The following PRDM15 variants were observed in gnomAD, a reference collection of about 807,000 sequenced individuals.
PRDM15 encodes the protein PR domain zinc finger protein 15.
In PRDM15, 64 loss-of-function variants were observed where a neutral mutation model predicts 128.6. That is an observed-to-expected ratio of 0.50 (90% confidence interval 0.41 to 0.61). The LOEUF is 0.61. Ranked by LOEUF, PRDM15 falls within the 20% of genes least tolerant of loss-of-function variation. The probability of loss-of-function intolerance (pLI) is 0.00; values close to 1 mark genes in which losing one functional copy is unlikely to be tolerated. For synonymous variants in PRDM15, 615 were observed against 621.8 expected (o/e 0.99, Z 0.16); for missense variants, 1,242 against 1,569.1 (o/e 0.79, Z 3.52).
intron 12 of PRDM15, among the ~76,000 whole-genome samples, chr21:41,827,590 CT>C (rs1485721949): frequency 2.0e-5 from 3 of 152,246 alleles, no homozygotes; most frequent in Non-Finnish European, 2.9e-5. Flanking sequence ...GATCCTCCAG[CT>C]GCAGCCTCTC....
At chr21:41,865,326 A>G (rs2063969691) in intron 1 of PRDM15, among the ~76,000 whole-genome samples, 1 of 152,084 alleles carries the variant, frequency 6.6e-6, no homozygotes, top group Admixed American at 6.6e-5. Context: ...CAGCACCGTC[A>G]CCCGTGTAGC....
At chr21:41,803,153 A>G (rs1440358749) in intron 22 of PRDM15, 1 of 569,786 alleles carries the variant, frequency 1.8e-6, no homozygotes, top group African/African-American at 1.9e-5. Context: ...CATATTTTTA[A>G]AAGTTGTATT....
chr21:41,831,841 C>T (rs1264044911), intron 11 of PRDM15, among the ~76,000 whole-genome samples: 1 of 152,214 alleles, frequency 6.6e-6, no homozygotes, highest in Non-Finnish European at 1.5e-5. Context: ...CATCCCACCC[C>T]ACCTGCAGCG....
chr21:41,864,871 T>A (rs2063944133), intron 1 of PRDM15, among the ~76,000 whole-genome samples: 1 of 149,792 alleles, frequency 6.7e-6, no homozygotes, highest in African/African-American at 2.5e-5. Context: ...TCAGCAGCCT[T>A]CTCACCTCAC....
In PRDM15 at chr21:41,820,927, C is replaced by T. The variant is rs150746866; in HGVS notation, c.2060+140G>A. 1,951 of 1,088,892 alleles carry T rather than the reference C, an allele frequency of 1.8e-3. 29 individuals carry two copies. Among genetic ancestry groups the T allele is most frequent in the South Asian group, 0.018 (1,274 of 71,488 alleles). 67.5% of individuals were successfully genotyped at this position (1,088,892 alleles called of 1,614,324 possible). ...GCCCAGCTGCCCCCGAGCCCTGCTGCGCCCCCAGCTCTGGCCCTGAGACCC... is the reference window on the plus strand; with the variant it reads ...GCCCAGCTGCCCCCGAGCCCTGCTGTGCCCCCAGCTCTGGCCCTGAGACCC... On this transcript the variant is annotated intron_variant, in intron 16 of 23. Coordinates refer to ENST00000398548, the MANE Select transcript of PRDM15 (RefSeq NM_001040424.3).
chr21:41,831,592 C>T (rs998156282), intron 11 of PRDM15, among the ~76,000 whole-genome samples: 37 of 152,182 alleles, frequency 2.4e-4, no homozygotes, highest in Non-Finnish European at 3.8e-4. Context: ...CAACCTCCCC[C>T]GGGAGAGCCA....
chr21:41,848,892 C>T (rs1320238166), intron 5 of PRDM15, among the ~76,000 whole-genome samples: 2 of 152,218 alleles, frequency 1.3e-5, no homozygotes, highest in South Asian at 2.1e-4. Context: ...TATTAGTTAA[C>T]AGTCAGAAGG....
At position 41,819,634 on chromosome 21, in the gene PRDM15, G is replaced by GCATA; in HGVS notation, c.2207_2208insTATG (p.Arg738HisfsTer64). 1 of 1,611,824 alleles carries GCATA rather than the reference G, an allele frequency of 6.2e-7. No homozygotes were observed. Among genetic ancestry groups the GCATA allele is most frequent in the East Asian group, 2.2e-5 (1 of 44,840 alleles). ...CGCGGACATTGTCGTGCACACGCAT[G>GCATA]TGCTCCTTCAGCATGTCCTTCCTGG... On this transcript the variant is annotated frameshift_variant, in exon 18 of 24. Coordinates refer to ENST00000398548, the MANE Select transcript of PRDM15 (RefSeq NM_001040424.3). LOFTEE classifies it high-confidence loss of function.
Position 41,805,994 on chromosome 21 carries a change from CCACCACCACCAT to C in PRDM15, c.2653-1392_2653-1381del, listed in dbSNP as rs1568879364. Among the ~76,000 whole-genome samples the C allele has an allele frequency of 1.1e-3, 87 of 80,778 alleles. 3 individuals are homozygous for C. Among genetic ancestry groups the C allele is most frequent in the Non-Finnish European group, 1.1e-3 (43 of 38,552 alleles). 53.0% of individuals were successfully genotyped at this position (80,778 alleles called of 152,430 possible). On this transcript the variant is annotated intron_variant, in intron 21 of 23. Transcript: ENST00000398548. ...GCCATTCCTATCACCACTATCACCA[CCACCACCACCAT>C]CACCACCACCATCACCACCACCACC...
At chr21:41,842,430 T>C (rs2063101576) in intron 6 of PRDM15, among the ~76,000 whole-genome samples, 2 of 152,254 alleles carry the variant, frequency 1.3e-5, no homozygotes, top group South Asian at 4.1e-4. Context: ...ATAATCAGTG[T>C]ATTCATAATT....
chr21:41,806,018 TCACCACCACCACCATCACC>T (rs2061564727), intron 21 of PRDM15, among the ~76,000 whole-genome samples: 1 of 26,716 alleles, frequency 3.7e-5, no homozygotes, highest in Non-Finnish European at 7.1e-5. Context: ...ACCACCACCA[TCACCACCACCACCATCACC>T]ACCACCATCA....
At chr21:41,866,032 C>G (rs758868463) in intron 1 of PRDM15, among the ~76,000 whole-genome samples, 1 of 152,162 alleles carries the variant, frequency 6.6e-6, no homozygotes, top group African/African-American at 2.4e-5. Context: ...TGAGACCCCA[C>G]GCCCAGCCTC....
chr21:41,825,903 A>T (rs1050717094), intron 13 of PRDM15, 57 bp downstream of exon 13: 2 of 1,326,280 alleles, frequency 1.5e-6, no homozygotes, highest in African/African-American at 2.9e-5. Flanking sequence ...TAGAGTCTTA[A>T]CTGAAGAAAA....
intron 1 of PRDM15, among the ~76,000 whole-genome samples, chr21:41,875,882 T>A (rs752341479): frequency 2.5e-4 from 38 of 152,130 alleles, no homozygotes; most frequent in Non-Finnish European, 4.7e-4. Context: ...AGAAATGCAT[T>A]GCTATGGGAT....
rs781377343 is a variant in PRDM15 at position 41,821,394 on chromosome 21, C to T, written c.1897-164G>A. On this transcript the variant is annotated intron_variant, in intron 15 of 23. Coordinates refer to ENST00000398548, the MANE Select transcript of PRDM15 (RefSeq NM_001040424.3). This position sits in a 1 kb window ranked among gnomAD's most constrained non-coding sequence, Gnocchi z 5.4. ...TCAGAGGCTTGATGGGGAACTTTTCCGAAGCCATAAGGCCTCATGCCCAAA... is the reference window on the plus strand; with the variant it reads ...TCAGAGGCTTGATGGGGAACTTTTCTGAAGCCATAAGGCCTCATGCCCAAA... Among the ~76,000 whole-genome samples, 2 of 152,192 alleles carry T rather than the reference C, an allele frequency of 1.3e-5. No homozygotes were observed. Among genetic ancestry groups the T allele is most frequent in the African/African-American group, 4.8e-5 (2 of 41,442 alleles).
rs1432007438 is a variant in PRDM15, at chr21:41,848,407, G to A, written c.539-1216C>T. On this transcript the variant is annotated intron_variant, in intron 5 of 23. Coordinates refer to ENST00000398548, the MANE Select transcript of PRDM15 (RefSeq NM_001040424.3). ...TAAAAATAAAGAAAGAGCAGAAAAC[G>A]GTGTGGGGGGCACCCTGCCAGCAGG... 5.3e-5 allele frequency among the ~76,000 whole-genome samples: 8 copies of A among 152,150 alleles called. No individual in the cohort carries two copies. In the East Asian group the frequency reaches 1.5e-3, roughly 29 times the overall value.
intron 5 of PRDM15, 82 bp from the exon 6 acceptor site, chr21:41,847,273 G>T: frequency 2.0e-6 from 2 of 993,136 alleles, no homozygotes; most frequent in Non-Finnish European, 1.5e-6. Context: ...CGGAGGAGGG[G>T]TGTGTGCTGA....
chr21:41,826,310 G>A (rs767799291), intron 12 of PRDM15, among the ~76,000 whole-genome samples: 3 of 152,318 alleles, frequency 2.0e-5, no homozygotes, highest in East Asian at 1.9e-4. Flanking sequence ...GACAGTTCTC[G>A]CATCTGAAAC....
At chr21:41,847,913 T>C (rs945465192) in intron 5 of PRDM15, among the ~76,000 whole-genome samples, 2 of 152,226 alleles carry the variant, frequency 1.3e-5, no homozygotes, top group Admixed American at 1.3e-4. Flanking sequence ...AGCCTGGCTA[T>C]AAAGAGAACT....
Sources: allele counts gnomAD v4.1 joint callset (sites outside exome capture counted in the v4.1 genomes callset), GRCh38; gene constraint gnomAD v4.1.1; non-coding constraint Gnocchi (gnomAD v3.1); transcripts MANE v1.5; gene names NCBI Gene and HGNC (gene_info 2026-07-23, HGNC 2026-07-21).